MAN1A2: variants seen among roughly 807,000 people sequenced by gnomAD.
MAN1A2 encodes mannosyl-oligosaccharide 1,2-alpha-mannosidase IB.
A neutral mutation model predicts 75.7 loss-of-function variants in MAN1A2; 26 were observed. That is an observed-to-expected ratio of 0.34 (90% confidence interval 0.25 to 0.48). The LOEUF (loss-of-function observed/expected upper bound fraction) is 0.48. Among genes scored for constraint, MAN1A2 ranks in the 20% least tolerant of loss-of-function variants. The pLI is 0.99. For synonymous variants in MAN1A2, 247 were observed against 264.6 expected, an observed-to-expected ratio of 0.93 and a Z score of 0.65; for missense variants, 562 against 775.5, an observed-to-expected ratio of 0.72 and a Z score of 3.27.
Position 117,522,912 on chromosome 1 carries a change from A to G in MAN1A2, c.1881A>G (p.Leu627=), listed in dbSNP as rs757179136. Residue 627 remains leucine (L), a synonymous_variant, in exon 13 of 13, where the codon TTA becomes TTG. Transcript: ENST00000356554. ...FNTEAHPLPV[L]HLANTTLSGN... ...CAGAGGCTCACCCTCTGCCTGTGTT[A>G]CATTTAGCCAACACCACACTTTCAG... 6.2e-7 allele frequency: 1 copy of G among 1,611,830 alleles called. No homozygotes were observed. Among genetic ancestry groups the G allele is most frequent in the Admixed American group, 1.7e-5 (1 of 59,788 alleles).
rs12080559 is a variant in MAN1A2, at chr1:117,480,931, A to C, written c.1169-12216A>C. On this transcript the variant is annotated intron_variant, in intron 8 of 12. Transcript: ENST00000356554. ...TAGAACACTTCCTCTAGGAGTTTCT[A>C]ATGGTTCGTTACCTACACCTTTCCC... 3.8e-3 allele frequency among the ~76,000 whole-genome samples: 582 copies of C among 151,950 alleles called. 7 individuals carry two copies. Among genetic ancestry groups the C allele is most frequent in the African/African-American group, 0.013 (553 of 41,490 alleles).
chr1:117,439,493 TCTTA>T (rs1648955024), intron 5 of MAN1A2, among the ~76,000 whole-genome samples: 1 of 149,300 alleles, frequency 6.7e-6, no homozygotes, highest in South Asian at 2.2e-4. Flanking sequence ...TATTGTGTTG[TCTTA>T]CTTTTTTTTT....
rs1651944981 is a variant in MAN1A2 at position 117,524,143 on chromosome 1, A to G, written c.*1186A>G. The G allele has an allele frequency of 6.6e-6, 1 of 152,222 alleles. No individual in the cohort carries two copies. The highest frequency in any genetic ancestry group is 1.5e-5 in the Non-Finnish European group (1 of 67,820). 9.4% of individuals were successfully genotyped at this position (152,222 alleles called of 1,614,324 possible). On this transcript the variant is annotated 3_prime_UTR_variant, in exon 13 of 13. Coordinates refer to ENST00000356554, the MANE Select transcript of MAN1A2 (RefSeq NM_006699.5). ...CTCCAAGAATATTTATAGAATTCCA[A>G]AGAATCAGAATAGTTTCAAAATAAT...
At chr1:117,375,914 T>TA (rs1653120449) in intron 1 of MAN1A2, among the ~76,000 whole-genome samples, 1 of 70,362 alleles carries the variant, frequency 1.4e-5, no homozygotes, top group Non-Finnish European at 2.9e-5. Context: ...AATTAATTTA[T>TA]GTTTTTTTTT....
At chr1:117,500,365 T>C (rs1010773182) in intron 11 of MAN1A2, among the ~76,000 whole-genome samples, 2 of 151,924 alleles carry the variant, frequency 1.3e-5, no homozygotes, top group Admixed American at 1.3e-4. Context: ...CTTCAGATCT[T>C]ACTTTTCTTT....
At chr1:117,410,681 A>G (rs1184022289) in intron 3 of MAN1A2, among the ~76,000 whole-genome samples, 1 of 151,716 alleles carries the variant, frequency 6.6e-6, no homozygotes, top group Non-Finnish European at 1.5e-5. Context: ...TTACATTTTT[A>G]GTCAACATAA....
rs535877000 is a variant in MAN1A2, at chr1:117,388,770, T to C, written c.303-13416T>C. Among the ~76,000 whole-genome samples, 4 of 152,326 alleles carry C rather than the reference T, an allele frequency of 2.6e-5. No individual in the cohort carries two copies. The South Asian group carries it at 8.3e-4, about 32-fold the overall frequency. On this transcript the variant is annotated intron_variant, in intron 1 of 12. Transcript: ENST00000356554. ...CTGTATCAGATGCCTGTAGTACTAA[T>C]AACAGCTTGGGGCCAAGGTCTGCAC...
Position 117,496,839 on chromosome 1 carries a change from A to G in MAN1A2, c.1361A>G (p.Glu454Gly), listed in dbSNP as rs1274679598. The change falls in exon 10 of 13, where the codon GAA becomes GGA. Residue 454 changes from glutamate (E) to glycine (G), a missense_variant. By Grantham distance (98) the Glu-to-Gly change is moderately conservative. This residue lies in a region of MAN1A2 where 434 missense variants were observed against 645.7 expected (regional missense o/e 0.67). Transcript: ENST00000356554. ...GGAGAATGGAAGAATGGGCACTTGG[A>G]AAAAAAGATGGGGCATTTGGCCTGC... is the stretch of plus-strand genomic sequence containing the variant. ...FIGEWKNGHL[E>G]KKMGHLACFA... 1.2e-6 allele frequency: 2 copies of G among 1,612,432 alleles called. No individual in the cohort carries two copies. The highest frequency in any genetic ancestry group is 2.2e-5 in the East Asian group (1 of 44,746).
At chr1:117,369,622 G>T (rs1180355688) in intron 1 of MAN1A2, among the ~76,000 whole-genome samples, 1 of 152,098 alleles carries the variant, frequency 6.6e-6, no homozygotes, top group African/African-American at 2.4e-5. Flanking sequence ...ACTTTTGGAT[G>T]AATTTTATGG....
intron 2 of MAN1A2, among the ~76,000 whole-genome samples, chr1:117,403,941 T>C (rs1647527653): frequency 1.3e-5 from 2 of 152,188 alleles, no homozygotes; most frequent in African/African-American, 4.8e-5. Flanking sequence ...TGAGGATGTC[T>C]CCTTGTAATT....
At chr1:117,488,391 T>C (rs1371652495) in intron 8 of MAN1A2, among the ~76,000 whole-genome samples, 1 of 151,998 alleles carries the variant, frequency 6.6e-6, no homozygotes, top group African/African-American at 2.4e-5. Flanking sequence ...AGATGGAGTT[T>C]CACCATGTTG....
intron 5 of MAN1A2, among the ~76,000 whole-genome samples, chr1:117,434,194 A>T (rs1220859753): frequency 6.6e-6 from 1 of 152,176 alleles, no homozygotes. Context: ...ACATTGTTTT[A>T]TCTCCCTGTG....
chr1:117,410,424 ATT>A (rs1647767395), intron 3 of MAN1A2, among the ~76,000 whole-genome samples: 1 of 151,876 alleles, frequency 6.6e-6, no homozygotes, highest in African/African-American at 2.4e-5. Context: ...TAAAAAGGGG[ATT>A]TCTTTAACCT....
intron 8 of MAN1A2, among the ~76,000 whole-genome samples, chr1:117,472,837 A>G (rs1262259307): frequency 2.6e-5 from 4 of 151,970 alleles, no homozygotes; most frequent in Non-Finnish European, 5.9e-5. Context: ...ATTTTTAAAA[A>G]GCTCATCAGC....
chr1:117,499,036 T>TA (rs1167251157), intron 10 of MAN1A2, among the ~76,000 whole-genome samples: 2 of 151,922 alleles, frequency 1.3e-5, no homozygotes, highest in Non-Finnish European at 2.9e-5. Context: ...CTATATACTT[T>TA]TATTTTAGAC....
At chr1:117,384,967 T>C (rs898980411) in intron 1 of MAN1A2, among the ~76,000 whole-genome samples, 2 of 152,162 alleles carry the variant, frequency 1.3e-5, no homozygotes, top group Admixed American at 6.6e-5. Flanking sequence ...TTTGGAATTA[T>C]ATAGAAGAGT....
chr1:117,396,420 A>C (rs1463742783), intron 1 of MAN1A2, among the ~76,000 whole-genome samples: 1 of 152,234 alleles, frequency 6.6e-6, no homozygotes, highest in African/African-American at 2.4e-5. Flanking sequence ...TGATCTTTAC[A>C]AATGAAAGTC....
At chr1:117,376,607 A>G (rs1258957447) in intron 1 of MAN1A2, among the ~76,000 whole-genome samples, 1 of 152,214 alleles carries the variant, frequency 6.6e-6, no homozygotes, top group Non-Finnish European at 1.5e-5. Context: ...GAAAAAAGAG[A>G]CAAATATTTT....
chr1:117,387,249 G>A (rs1351306329), intron 1 of MAN1A2, among the ~76,000 whole-genome samples: 4 of 151,294 alleles, frequency 2.6e-5, no homozygotes, highest in African/African-American at 4.9e-5. Context: ...AGTAACAGGT[G>A]TTGGAGTGGA....
Sources: gnomAD v4.1 joint callset for allele counts (sites outside exome capture counted in the v4.1 genomes callset) on GRCh38, gnomAD v4.1.1 for gene constraint, gnomAD v4.1.1 regional missense constraint, MANE v1.5 for transcripts, NCBI Gene and HGNC (gene_info 2026-07-23, HGNC 2026-07-21) for gene names.